Variants in ANK1 observed in about 807,000 individuals in gnomAD.
ANK1 encodes ankyrin 1.
ANK1 carries 51 observed loss-of-function variants against 210.4 expected under a neutral mutation model. The observed-to-expected ratio is 0.24, with a 90% CI of 0.19 to 0.31. The LOEUF (loss-of-function observed/expected upper bound fraction) is 0.31, where lower values mean the gene tolerates loss of function less well. Ranked by LOEUF, ANK1 falls within the 10% of genes least tolerant of loss-of-function variation. ANK1 has a pLI of 1.00. For missense variants in ANK1, 2,051 were observed against 2,504.4 expected, an observed-to-expected ratio of 0.82 and a Z score of 3.86; for synonymous variants, 967 against 1,025.9, an observed-to-expected ratio of 0.94 and a Z score of 1.10.
chr8:41,688,813 C>A (rs1447232892), intron 33 of ANK1, among the ~76,000 whole-genome samples: 1 of 152,156 alleles, frequency 6.6e-6, no homozygotes, highest in African/African-American at 2.4e-5. Flanking sequence ...GTCGTAATAA[C>A]GGCAAGCCCA....
At chr8:41,832,006 G>T (rs1024855821) in intron 1 of ANK1, among the ~76,000 whole-genome samples, 17 of 152,164 alleles carry the variant, frequency 1.1e-4, no homozygotes, top group Non-Finnish European at 2.2e-4. Context: ...TGGTGGCAGG[G>T]GTGGGAAAAG....
At chr8:41,816,712 G>A (rs1367830815) in intron 1 of ANK1, among the ~76,000 whole-genome samples, 1 of 152,174 alleles carries the variant, frequency 6.6e-6, no homozygotes, top group Admixed American at 6.5e-5. Context: ...TTACAGGCAT[G>A]AGCCACCAGG....
chr8:41,719,395 C>T (rs1030011587), intron 10 of ANK1, among the ~76,000 whole-genome samples: 6 of 152,168 alleles, frequency 3.9e-5, no homozygotes, highest in East Asian at 1.9e-4. Flanking sequence ...TTCCTGAGTC[C>T]GGTCTCCTGG....
chr8:41,758,509 C>CT lies in ANK1; in HGVS notation c.28-373dup, dbSNP rs113939102. On this transcript the variant is annotated intron_variant, in intron 1 of 42. Coordinates refer to ENST00000289734, the MANE Select transcript of ANK1 (RefSeq NM_000037.4). ...CACCAAGCCCAACTATTTTTTTAAA[C>CT]TTTTTTTTTTTTTATAGAGACAGGG... 4.8e-3 allele frequency among the ~76,000 whole-genome samples: 703 copies of CT among 145,602 alleles called. 1 individual carries two copies. The highest frequency in any genetic ancestry group is 0.012 in the African/African-American group (499 of 40,118).
At chr8:41,673,969 G>A (rs1040988075) in intron 37 of ANK1, among the ~76,000 whole-genome samples, 7 of 152,146 alleles carry the variant, frequency 4.6e-5, no homozygotes, top group African/African-American at 7.2e-5. Flanking sequence ...TCCTGCCATC[G>A]AGAGATGTCC....
chr8:41,699,969 T>C (rs1340119615), intron 22 of ANK1, among the ~76,000 whole-genome samples: 1 of 152,230 alleles, frequency 6.6e-6, no homozygotes, highest in African/African-American at 2.4e-5. Flanking sequence ...TTTGTAACAA[T>C]GGCAGCCAAA....
chr8:41,879,033 C>T (rs778464280), intron 1 of ANK1, among the ~76,000 whole-genome samples: 2 of 152,056 alleles, frequency 1.3e-5, no homozygotes, highest in Non-Finnish European at 2.9e-5. Flanking sequence ...CACTGCACTC[C>T]AGCCTGGGTG....
intron 1 of ANK1, among the ~76,000 whole-genome samples, chr8:41,789,738 A>C (rs1847228177): frequency 6.6e-6 from 1 of 152,226 alleles, no homozygotes; most frequent in Admixed American, 6.5e-5. Flanking sequence ...TGGGAAACAT[A>C]GGCCAATCAA....
chr8:41,736,892 G>A (rs988542997), intron 2 of ANK1, among the ~76,000 whole-genome samples: 1 of 152,210 alleles, frequency 6.6e-6, no homozygotes, highest in Non-Finnish European at 1.5e-5. Flanking sequence ...TCAAGGCCCA[G>A]AGTAGTCAAA....
intron 1 of ANK1, among the ~76,000 whole-genome samples, chr8:41,849,611 T>C (rs954580069): frequency 6.6e-6 from 1 of 152,220 alleles, no homozygotes. Flanking sequence ...GGCAGGATCC[T>C]GAGCATGACA....
chr8:41,696,594 G>A lies in ANK1; in HGVS notation c.2736-7C>T. The A allele has an allele frequency of 6.2e-7, 1 of 1,613,742 alleles. No individual in the cohort carries two copies. The highest frequency in any genetic ancestry group is 8.5e-7 in the Non-Finnish European group (1 of 1,180,006). On this transcript the variant is annotated splice_region_variant and splice_polypyrimidine_tract_variant and intron_variant, in intron 25 of 42. Coordinates refer to ENST00000289734, the MANE Select transcript of ANK1 (RefSeq NM_000037.4). The stretch of plus-strand genomic sequence containing the variant: ...CATGAAGCTCACCAGAAACCTAGGA[G>A]TGGGGCAGATGCACGTTGGGCTTCT...
At chr8:41,746,139 T>A (rs1421882101) in intron 2 of ANK1, among the ~76,000 whole-genome samples, 1 of 152,182 alleles carries the variant, frequency 6.6e-6, no homozygotes, top group Non-Finnish European at 1.5e-5. Context: ...GGGGGAGACC[T>A]CTTCTGGAGG....
At chr8:41,856,530 T>C (rs1052029537) in intron 1 of ANK1, among the ~76,000 whole-genome samples, 3 of 152,196 alleles carry the variant, frequency 2.0e-5, no homozygotes, top group Non-Finnish European at 4.4e-5. Flanking sequence ...CAGTTTCTCA[T>C]CTGAAAACTG....
chr8:41,694,122 G>C lies in ANK1; in HGVS notation c.3328-20C>G. On this transcript the variant is annotated intron_variant, in intron 28 of 42. Transcript: ENST00000289734. This position sits in a 1 kb window ranked among gnomAD's most constrained non-coding sequence, Gnocchi z 5.7. ...CTGGGCCTGTGAAATGACAGAGGCAGGACACTCAGGCCCAAGCAGGAGAGG... is the reference window on the plus strand; with the variant it reads ...CTGGGCCTGTGAAATGACAGAGGCACGACACTCAGGCCCAAGCAGGAGAGG... 3 of 1,610,170 alleles carry C rather than the reference G, an allele frequency of 1.9e-6. No homozygotes were observed. Among genetic ancestry groups the C allele is most frequent in the Non-Finnish European group, 2.5e-6 (3 of 1,178,040 alleles).
rs868842686 is a variant in ANK1, at chr8:41,869,515, G to A, written c.126+26840C>T. ...GGACAGCTTGAGCCTGGGAGGCAGA[G>A]GCTGCAGTGAGCCATGATCGTACCA... On this transcript the variant is annotated intron_variant, in intron 1 of 42. Transcript: ENST00000265709. Among the ~76,000 whole-genome samples, 7 of 152,296 alleles carry A rather than the reference G, an allele frequency of 4.6e-5. No individual in the cohort carries two copies. The South Asian group carries it at 8.3e-4, about 18-fold the overall frequency.
intron 38 of ANK1, among the ~76,000 whole-genome samples, chr8:41,669,210 A>C (rs951916234): frequency 1.3e-5 from 2 of 150,880 alleles, no homozygotes; most frequent in African/African-American, 2.4e-5. Flanking sequence ...CCATCTCTAC[A>C]CTCAGCGTGC....
intron 33 of ANK1, among the ~76,000 whole-genome samples, chr8:41,689,896 A>G (rs1442945248): frequency 6.6e-6 from 1 of 152,194 alleles, no homozygotes; most frequent in Non-Finnish European, 1.5e-5. Flanking sequence ...ACACCGAGGC[A>G]GATGCCCTTA....
chr8:41,812,370 G>C (rs1450956022), intron 1 of ANK1, among the ~76,000 whole-genome samples: 1 of 152,170 alleles, frequency 6.6e-6, no homozygotes, highest in Non-Finnish European at 1.5e-5. Context: ...GTTTGAAGCT[G>C]ATAGAGTGTC....
chr8:41,780,484 G>A lies in ANK1; in HGVS notation c.27+17028C>T, dbSNP rs139206689. ...CAGCTTATTCTCCTCTTCTCTGGGGGGTGAGACGTCCTCCTCTGCCCACCC... is the reference window on the plus strand; with the variant it reads ...CAGCTTATTCTCCTCTTCTCTGGGGAGTGAGACGTCCTCCTCTGCCCACCC... On this transcript the variant is annotated intron_variant, in intron 1 of 42. Transcript: ENST00000289734. Among the ~76,000 whole-genome samples the A allele has an allele frequency of 1.7e-3, 252 of 152,294 alleles. 1 individual carries two copies. Among genetic ancestry groups the A allele is most frequent in the African/African-American group, 5.4e-3 (225 of 41,534 alleles).
Sources: allele counts gnomAD v4.1 joint callset (sites outside exome capture counted in the v4.1 genomes callset), GRCh38; gene constraint gnomAD v4.1.1; non-coding constraint Gnocchi (gnomAD v3.1); transcripts MANE v1.5; gene names NCBI Gene and HGNC (gene_info 2026-07-23, HGNC 2026-07-21).